ZFHX3: variants seen among roughly 807,000 people sequenced by gnomAD.
ZFHX3 encodes the protein zinc finger homeobox 3.
In ZFHX3, 42 loss-of-function variants were observed where a neutral mutation model predicts 279.1. The ratio of observed to expected loss-of-function variants is 0.15; its 90% CI spans 0.12 to 0.19. The LOEUF is 0.19. Among genes scored for constraint, ZFHX3 ranks in the 10% least tolerant of loss-of-function variants. ZFHX3 has a pLI of 1.00. For synonymous variants in ZFHX3, 2,293 were observed against 1,957.8 expected, an observed-to-expected ratio of 1.17 and a Z score of -4.52; for missense variants, 4,981 against 4,754.0, an observed-to-expected ratio of 1.05 and a Z score of -1.40.
chr16:73,821,314 C>T (rs74028502), intron 1 of ZFHX3, among the ~76,000 whole-genome samples: 2,182 of 152,272 alleles, frequency 0.014, 56 homozygotes, highest in African/African-American at 0.05. Context: ...GGAATGTGGT[C>T]GGCAGCACAC....
At chr16:72,898,895 A>G (rs1444712404) in intron 3 of ZFHX3, among the ~76,000 whole-genome samples, 1 of 152,162 alleles carries the variant, frequency 6.6e-6, no homozygotes, top group Non-Finnish European at 1.5e-5. Flanking sequence ...TGTCACAAGC[A>G]AAATGAGGAC....
At chr16:73,280,672 C>G (rs2014433037) in intron 4 of ZFHX3, among the ~76,000 whole-genome samples, 1 of 151,834 alleles carries the variant, frequency 6.6e-6, no homozygotes, top group Non-Finnish European at 1.5e-5. Context: ...ATTGGTACAG[C>G]CATTATAGAA....
intron 7 of ZFHX3, among the ~76,000 whole-genome samples, chr16:73,100,022 T>A (rs186941845): frequency 1.8e-4 from 28 of 152,166 alleles, no homozygotes; most frequent in South Asian, 4.2e-4. Context: ...CCATTACACA[T>A]GAGGACAGGG....
chr16:73,577,483 T>A (rs1462048744), intron 2 of ZFHX3, among the ~76,000 whole-genome samples: 1 of 152,186 alleles, frequency 6.6e-6, no homozygotes, highest in Admixed American at 6.5e-5. Context: ...TAAAAGCTCA[T>A]AAATTGTATA....
chr16:73,307,618 T>C (rs2015212525), intron 4 of ZFHX3, among the ~76,000 whole-genome samples: 1 of 152,186 alleles, frequency 6.6e-6, no homozygotes, highest in Non-Finnish European at 1.5e-5. Flanking sequence ...ATAGGCTCAT[T>C]CTCAAGAGGA....
At chr16:72,944,872 C>T (rs994329562) in intron 3 of ZFHX3, among the ~76,000 whole-genome samples, 1 of 151,906 alleles carries the variant, frequency 6.6e-6, no homozygotes, top group African/African-American at 2.4e-5. Context: ...ACACTAAAAG[C>T]ATTTAGAAAA....
At chr16:73,629,987 G>C (rs2052452999) in intron 2 of ZFHX3, among the ~76,000 whole-genome samples, 1 of 152,084 alleles carries the variant, frequency 6.6e-6, no homozygotes, top group Non-Finnish European at 1.5e-5. Flanking sequence ...TATCCTTGTA[G>C]CATTTGGCTA....
chr16:73,806,538 A>C (rs1032262855), intron 1 of ZFHX3, among the ~76,000 whole-genome samples: 1 of 151,366 alleles, frequency 6.6e-6, no homozygotes, highest in Admixed American at 6.6e-5. Context: ...GTTCCCAAGA[A>C]GGGCAAGCTT....
At chr16:73,768,148 C>T (rs553147768) in intron 1 of ZFHX3, among the ~76,000 whole-genome samples, 93 of 152,182 alleles carry the variant, frequency 6.1e-4, no homozygotes, top group Non-Finnish European at 1.1e-3. Flanking sequence ...TCCTATCACT[C>T]TCTAATCCAG....
At chr16:73,310,931 G>A (rs778691990) in intron 4 of ZFHX3, among the ~76,000 whole-genome samples, 22 of 151,978 alleles carry the variant, frequency 1.4e-4, no homozygotes, top group African/African-American at 7.3e-5. Context: ...TCACACACAT[G>A]TCATAAACAC....
chr16:73,170,705 G>A (rs1967500723), intron 5 of ZFHX3, among the ~76,000 whole-genome samples: 1 of 152,198 alleles, frequency 6.6e-6, no homozygotes, highest in African/African-American at 2.4e-5. Context: ...GAGTCTGGGA[G>A]GTGGGAAAAG....
chr16:73,352,469 TCTC>T, intron 3 of ZFHX3, among the ~76,000 whole-genome samples: 1 of 125,058 alleles, frequency 8.0e-6, no homozygotes, highest in Non-Finnish European at 1.6e-5. Flanking sequence ...TCTCTCTCTC[TCTC>T]TCTTTTTTTT....
intron 4 of ZFHX3, among the ~76,000 whole-genome samples, chr16:72,848,132 C>T (rs1159150929): frequency 6.6e-6 from 1 of 152,210 alleles, no homozygotes; most frequent in African/African-American, 2.4e-5. Context: ...GGCCCTCCCT[C>T]CGCTCCTGGG....
chr16:73,053,311 A>G (rs1343416471), intron 1 of ZFHX3, among the ~76,000 whole-genome samples: 3 of 152,222 alleles, frequency 2.0e-5, no homozygotes, highest in Non-Finnish European at 4.4e-5. Flanking sequence ...AACGGGGAGA[A>G]ACACACATGC....
At chr16:73,355,158 C>A (rs2016316501) in intron 3 of ZFHX3, among the ~76,000 whole-genome samples, 1 of 152,224 alleles carries the variant, frequency 6.6e-6, no homozygotes, top group South Asian at 2.1e-4. Context: ...GAGATTCCAT[C>A]TTTGTGGAGA....
intron 5 of ZFHX3, among the ~76,000 whole-genome samples, chr16:73,184,184 G>A (rs565920705): frequency 1.2e-4 from 18 of 152,248 alleles, no homozygotes; most frequent in African/African-American, 4.1e-4. Flanking sequence ...CTCCAGGGGT[G>A]CTAGGGCTTG....
chr16:73,414,354 C>T (rs1284038527), intron 3 of ZFHX3, among the ~76,000 whole-genome samples: 1 of 152,218 alleles, frequency 6.6e-6, no homozygotes, highest in Admixed American at 6.5e-5. Flanking sequence ...GTATGGAATT[C>T]ACAGTACAGC....
intron 3 of ZFHX3, among the ~76,000 whole-genome samples, chr16:73,341,676 T>A (rs1029874111): frequency 1.3e-5 from 2 of 151,996 alleles, no homozygotes; most frequent in Non-Finnish European, 2.9e-5. Flanking sequence ...CTTAAATAGA[T>A]AACAGATAAA....
At chr16:73,024,730 T>C (rs1473121841) in intron 1 of ZFHX3, among the ~76,000 whole-genome samples, 2 of 152,126 alleles carry the variant, frequency 1.3e-5, no homozygotes, top group East Asian at 3.9e-4. Context: ...GACTCCAGGG[T>C]CTGAAAGTAT....
Sources: allele counts gnomAD v4.1 joint callset (sites outside exome capture counted in the v4.1 genomes callset), GRCh38; gene constraint gnomAD v4.1.1; transcripts MANE v1.5; gene names NCBI Gene and HGNC (gene_info 2026-07-23, HGNC 2026-07-21).